The following AGBL4 variants were observed in gnomAD, a reference collection of about 807,000 sequenced individuals.
The protein encoded by AGBL4 is AGBL carboxypeptidase 4, also known as cytosolic carboxypeptidase 6.
Under a neutral mutation model 66.4 loss-of-function variants are expected in AGBL4, and 58 were observed. The observed-to-expected ratio is 0.87, with a 90% CI of 0.71 to 1.09. AGBL4 has a LOEUF of 1.09. AGBL4 is among the 50% of genes least tolerant of loss of function. The pLI is 0.00. For missense variants in AGBL4, 579 were observed against 631.0 expected (o/e 0.92, Z 0.88); for synonymous variants, 234 against 222.9 (o/e 1.05, Z -0.44).
At position 49,514,953 on chromosome 1, in the gene AGBL4, A is replaced by T. The variant is rs572143277; in HGVS notation, c.282+182360T>A. On this transcript the variant is annotated intron_variant, in intron 3 of 13. Coordinates refer to ENST00000371839, the MANE Select transcript of AGBL4 (RefSeq NM_032785.4). ...AAAACCCTAGAAGAAAACCTAGGCA[A>T]TACCATTCAGGACACAGGCATGGGC... Among the ~76,000 whole-genome samples the T allele has an allele frequency of 3.9e-4, 60 of 152,194 alleles. No homozygotes were observed. In the South Asian group the frequency reaches 9.3e-3, roughly 24 times the overall value.
At chr1:48,607,966 A>C (rs1451970067) in intron 9 of AGBL4, among the ~76,000 whole-genome samples, 1 of 152,230 alleles carries the variant, frequency 6.6e-6, no homozygotes, top group Non-Finnish European at 1.5e-5. Context: ...GAGTGGTTGA[A>C]TAACTTGATT....
intron 5 of AGBL4, among the ~76,000 whole-genome samples, chr1:48,891,114 C>A (rs1650912319): frequency 6.6e-6 from 1 of 152,156 alleles, no homozygotes; most frequent in Non-Finnish European, 1.5e-5. Context: ...TCTTACATTA[C>A]TGAGTTTGTA....
intron 6 of AGBL4, among the ~76,000 whole-genome samples, chr1:48,843,576 A>G (rs774044876): frequency 5.9e-5 from 9 of 152,192 alleles, no homozygotes; most frequent in Non-Finnish European, 1.2e-4. Flanking sequence ...ATTATATAAT[A>G]TTCAAATTTC....
chr1:48,841,400 A>ACC (rs35019022), intron 6 of AGBL4, among the ~76,000 whole-genome samples: 7 of 103,426 alleles, frequency 6.8e-5, no homozygotes, highest in African/African-American at 2.7e-4. Context: ...TTACTACAAA[A>ACC]CCCCCCCCCC....
intron 1 of AGBL4, among the ~76,000 whole-genome samples, chr1:49,912,759 G>C (rs1403011876): frequency 2.0e-5 from 3 of 152,100 alleles, no homozygotes; most frequent in Admixed American, 6.5e-5. Flanking sequence ...CACCTTATTT[G>C]GCTCAACAGT....
At chr1:49,295,840 AC>A (rs1164682615) in intron 3 of AGBL4, among the ~76,000 whole-genome samples, 1 of 152,156 alleles carries the variant, frequency 6.6e-6, no homozygotes, top group East Asian at 1.9e-4. Context: ...AGACTCTAAC[AC>A]AGCAAGACAT....
Position 49,157,583 on chromosome 1 carries a change from T to C in AGBL4, c.377+88187A>G, listed in dbSNP as rs112204384. Among the ~76,000 whole-genome samples the C allele has an allele frequency of 3.3e-3, 501 of 152,290 alleles. 5 individuals are homozygous for C. The highest frequency in any genetic ancestry group is 0.011 in the African/African-American group (471 of 41,574). ...TTATAGTAGAATGATTTATAATCCATTGGGTATATACCCAGTAATGGGATT... is the reference window on the plus strand; with the variant it reads ...TTATAGTAGAATGATTTATAATCCACTGGGTATATACCCAGTAATGGGATT... On this transcript the variant is annotated intron_variant, in intron 4 of 13. Transcript: ENST00000371839.
At chr1:49,530,085 C>CA (rs1650975517) in intron 3 of AGBL4, among the ~76,000 whole-genome samples, 1 of 151,578 alleles carries the variant, frequency 6.6e-6, no homozygotes, top group African/African-American at 2.4e-5. Context: ...TGCTTCTGTA[C>CA]ATGGTATGAA....
At chr1:49,085,587 C>A (rs891204478) in intron 4 of AGBL4, among the ~76,000 whole-genome samples, 2 of 151,850 alleles carry the variant, frequency 1.3e-5, no homozygotes, top group Non-Finnish European at 2.9e-5. Flanking sequence ...TGAACATTGA[C>A]TCTGCAGGGC....
chr1:48,699,915 A>T (rs1182445383), intron 6 of AGBL4, among the ~76,000 whole-genome samples: 3 of 139,690 alleles, frequency 2.1e-5, no homozygotes, highest in Non-Finnish European at 4.6e-5. Context: ...ATATACATAC[A>T]TACATATACA....
intron 5 of AGBL4, among the ~76,000 whole-genome samples, chr1:49,022,463 G>A (rs1402407269): frequency 6.6e-6 from 1 of 151,954 alleles, no homozygotes; most frequent in African/African-American, 2.4e-5. Context: ...AGAACCTACT[G>A]AGCATTCATC....
At chr1:49,281,756 G>A (rs1644277529) in intron 3 of AGBL4, among the ~76,000 whole-genome samples, 1 of 152,222 alleles carries the variant, frequency 6.6e-6, no homozygotes, top group African/African-American at 2.4e-5. Flanking sequence ...AAAAGGACAG[G>A]ATTCAGAAAT....
chr1:49,924,882 T>C lies in AGBL4; in HGVS notation c.35-73364A>G, dbSNP rs12074163. Among the ~76,000 whole-genome samples, 315 of 152,294 alleles carry C rather than the reference T, an allele frequency of 2.1e-3. 4 individuals are homozygous for C. The highest frequency in any genetic ancestry group is 7.1e-3 in the African/African-American group (293 of 41,560). Reference sequence around the variant, plus strand: ...GCAACTGGGGGATACTGCATTGGAATGCACTGGAATGCAGTGCTGCCACCA... The same window carrying C: ...GCAACTGGGGGATACTGCATTGGAACGCACTGGAATGCAGTGCTGCCACCA... On this transcript the variant is annotated intron_variant, in intron 1 of 13. Coordinates refer to ENST00000371839, the MANE Select transcript of AGBL4 (RefSeq NM_032785.4).
chr1:49,775,960 A>C (rs1200734840), intron 2 of AGBL4, among the ~76,000 whole-genome samples: 1 of 152,136 alleles, frequency 6.6e-6, no homozygotes, highest in Non-Finnish European at 1.5e-5. Flanking sequence ...AAGTATGCAT[A>C]TATTGAGCAA....
At chr1:49,461,656 T>C (rs1332890840) in intron 3 of AGBL4, among the ~76,000 whole-genome samples, 1 of 144,048 alleles carries the variant, frequency 6.9e-6, no homozygotes, top group Non-Finnish European at 1.5e-5. Context: ...TGTGTGATGT[T>C]CCCCTCCCTG....
intron 2 of AGBL4, among the ~76,000 whole-genome samples, chr1:49,786,391 G>A (rs1644455611): frequency 6.6e-6 from 1 of 152,098 alleles, no homozygotes. Context: ...GGGTCTCTGG[G>A]ACAAACACTT....
chr1:49,324,186 AACTAATTTCTATCTAACAG>A (rs764998669), intron 3 of AGBL4, among the ~76,000 whole-genome samples: 9 of 152,376 alleles, frequency 5.9e-5, no homozygotes, highest in Non-Finnish European at 1.2e-4. Flanking sequence ...ATTAACCCAA[AACTAATTTCTATCTAACAG>A]CATTAATCAC....
At chr1:49,916,346 G>C (rs905597808) in intron 1 of AGBL4, among the ~76,000 whole-genome samples, 1 of 152,156 alleles carries the variant, frequency 6.6e-6, no homozygotes, top group African/African-American at 2.4e-5. Context: ...AAAAAGATTA[G>C]ATGAATGACT....
intron 6 of AGBL4, among the ~76,000 whole-genome samples, chr1:48,780,207 C>T (rs1308966437): frequency 1.4e-5 from 2 of 143,368 alleles, no homozygotes; most frequent in Non-Finnish European, 3.0e-5. Flanking sequence ...CCCTACAGGC[C>T]CCGGTATGTG....
Sources: gnomAD v4.1 joint callset for allele counts (sites outside exome capture counted in the v4.1 genomes callset) on GRCh38, gnomAD v4.1.1 for gene constraint, MANE v1.5 for transcripts, NCBI Gene and HGNC (gene_info 2026-07-23, HGNC 2026-07-21) for gene names.